TENM3: variants seen among roughly 807,000 people sequenced by gnomAD.
The protein encoded by TENM3 is teneurin transmembrane protein 3.
A neutral mutation model predicts 255.1 loss-of-function variants in TENM3; 63 were observed. That is an observed-to-expected ratio of 0.25 (90% confidence interval 0.20 to 0.30). The LOEUF (loss-of-function observed/expected upper bound fraction) is 0.30. TENM3 is among the 10% of genes least tolerant of loss of function. The pLI is 1.00. For synonymous variants in TENM3, 1,306 were observed against 1,322.3 expected (o/e 0.99, Z 0.27); for missense variants, 2,929 against 3,461.1 (o/e 0.85, Z 3.86).
chr4:181,865,628 G>A, the TENM3 span, among the ~76,000 whole-genome samples: 1 of 152,196 alleles, frequency 6.6e-6, no homozygotes, highest in Admixed American at 6.5e-5. Flanking sequence ...CATTGGCAGT[G>A]ACCTTAATCA....
At chr4:182,430,271 G>T (rs12644912) in intron 3 of TENM3, among the ~76,000 whole-genome samples, 3 of 152,080 alleles carry the variant, frequency 2.0e-5, no homozygotes, top group Non-Finnish European at 4.4e-5. Flanking sequence ...ACTGTAGGCC[G>T]GGCGCAGTGG....
chr4:182,466,287 A>G (rs9884430), intron 3 of TENM3, among the ~76,000 whole-genome samples: 136,893 of 152,242 alleles, frequency 0.9, 62,052 homozygotes, highest in East Asian at 1. Context: ...TGACACAGCC[A>G]TGCTTCCTCT....
chr4:181,804,286 GT>G, the TENM3 span, among the ~76,000 whole-genome samples: 2 of 152,088 alleles, frequency 1.3e-5, no homozygotes, highest in Admixed American at 6.6e-5. Context: ...AATTTGTATT[GT>G]AAAAATAAAA....
At chr4:182,587,123 C>T (rs925417743) in intron 3 of TENM3, among the ~76,000 whole-genome samples, 1 of 152,054 alleles carries the variant, frequency 6.6e-6, no homozygotes, top group African/African-American at 2.4e-5. Context: ...CACAGTCTCA[C>T]TCTGTTGCCC....
chr4:181,895,549 T>C, the TENM3 span, among the ~76,000 whole-genome samples: 2 of 137,858 alleles, frequency 1.5e-5, no homozygotes, highest in Non-Finnish European at 3.1e-5. Flanking sequence ...TTTTTTTTTT[T>C]TTTTTTTTTT....
intron 5 of TENM3, among the ~76,000 whole-genome samples, chr4:182,638,034 AT>A (rs367756285): frequency 1.3e-5 from 2 of 150,702 alleles, no homozygotes. Context: ...TAGGGGAAAA[AT>A]TTTTTTTTTT....
At chr4:182,314,093 A>T (rs576135132) in intron 1 of TENM3, among the ~76,000 whole-genome samples, 1 of 152,124 alleles carries the variant, frequency 6.6e-6, no homozygotes, top group Admixed American at 6.5e-5. Context: ...CAGGCAGATC[A>T]CGAGGTCAGG....
chr4:182,062,757 A>C, the TENM3 span, among the ~76,000 whole-genome samples: 5 of 152,232 alleles, frequency 3.3e-5, no homozygotes, highest in African/African-American at 1.2e-4. Context: ...GATGAGCTCC[A>C]TCAAGAATAT....
intron 6 of TENM3, among the ~76,000 whole-genome samples, chr4:182,671,335 G>C (rs1045583062): frequency 5.3e-5 from 8 of 152,256 alleles, no homozygotes; most frequent in African/African-American, 7.2e-5. Flanking sequence ...CTTGTTTTCT[G>C]GCCAGATGGA....
the TENM3 span, among the ~76,000 whole-genome samples, chr4:182,089,152 G>C: frequency 8.5e-5 from 13 of 152,144 alleles, no homozygotes; most frequent in Admixed American, 2.6e-4. Context: ...CCCCAGAACT[G>C]TAAGAAAGAA....
the TENM3 span, among the ~76,000 whole-genome samples, chr4:181,459,864 T>G: frequency 6.6e-6 from 1 of 151,976 alleles, no homozygotes; most frequent in Admixed American, 6.6e-5. Context: ...GTTGAAATTT[T>G]TATTGGCATA....
intron 3 of TENM3, among the ~76,000 whole-genome samples, chr4:182,530,335 T>C (rs1288538764): frequency 6.6e-6 from 1 of 152,238 alleles, no homozygotes; most frequent in Non-Finnish European, 1.5e-5. Context: ...AGTTGAACTT[T>C]GCCTTTCCCT....
chr4:181,781,766 A>G, the TENM3 span, among the ~76,000 whole-genome samples: 2 of 152,164 alleles, frequency 1.3e-5, no homozygotes, highest in African/African-American at 4.8e-5. Context: ...TGTCATAGAT[A>G]GCTCTTATTA....
chr4:181,978,429 A>G, the TENM3 span, among the ~76,000 whole-genome samples: 1 of 152,094 alleles, frequency 6.6e-6, no homozygotes, highest in Non-Finnish European at 1.5e-5. Flanking sequence ...CAGGTGGGTC[A>G]TGAGGTCAGG....
At chr4:182,237,213 G>A (rs1561227702) in intron 1 of TENM3, among the ~76,000 whole-genome samples, 1 of 152,032 alleles carries the variant, frequency 6.6e-6, no homozygotes, top group Non-Finnish European at 1.5e-5. Context: ...AGTATTCCAT[G>A]GTGTATACGT....
chr4:181,953,770 T>A, the TENM3 span, among the ~76,000 whole-genome samples: 1 of 152,320 alleles, frequency 6.6e-6, no homozygotes, highest in East Asian at 1.9e-4. Flanking sequence ...TGTATTTTTT[T>A]AATGTTTTAT....
chr4:182,526,697 A>G (rs1210950687), intron 3 of TENM3, among the ~76,000 whole-genome samples: 2 of 152,164 alleles, frequency 1.3e-5, no homozygotes, highest in Non-Finnish European at 2.9e-5. Flanking sequence ...TGAATAAATG[A>G]ATTGCACTAA....
chr4:181,865,830 A>G, the TENM3 span, among the ~76,000 whole-genome samples: 1 of 152,138 alleles, frequency 6.6e-6, no homozygotes, highest in African/African-American at 2.4e-5. Context: ...CCCCAAATAT[A>G]TATTTAAGGA....
intron 3 of TENM3, among the ~76,000 whole-genome samples, chr4:182,463,749 G>A (rs1185853937): frequency 2.0e-5 from 3 of 151,596 alleles, no homozygotes; most frequent in Admixed American, 6.6e-5. Flanking sequence ...TCAGCCTTCC[G>A]AGTAGCTGGG....
Sources: gnomAD v4.1 joint callset for allele counts (sites outside exome capture counted in the v4.1 genomes callset) on GRCh38, gnomAD v4.1.1 for gene constraint, MANE v1.5 for transcripts, NCBI Gene and HGNC (gene_info 2026-07-23, HGNC 2026-07-21) for gene names.